Variants in DIRAS1 observed in about 807,000 individuals in gnomAD.
DIRAS1 encodes the protein GTP-binding protein Di-Ras1.
Under a neutral mutation model 11.5 loss-of-function variants are expected in DIRAS1, and 3 were observed. The ratio of observed to expected loss-of-function variants is 0.26; its 90% CI spans 0.12 to 0.67. DIRAS1 has a LOEUF of 0.67. DIRAS1 is among the 30% of genes least tolerant of loss of function. The probability of loss-of-function intolerance (pLI) is 0.80; values close to 1 mark genes in which losing one functional copy is unlikely to be tolerated. For missense variants in DIRAS1, 212 were observed against 285.3 expected (o/e 0.74, Z 1.85); for synonymous variants, 128 against 125.8 (o/e 1.02, Z -0.12).
intron 1 of DIRAS1, among the ~76,000 whole-genome samples, chr19:2,719,398 G>C (rs1182362320): frequency 6.6e-6 from 1 of 151,954 alleles, no homozygotes; most frequent in Non-Finnish European, 1.5e-5. Flanking sequence ...TTCCTGGGAG[G>C]GGCACCTCTT....
rs756529032 is a variant in DIRAS1, at chr19:2,717,768, G to A, written c.39C>T (p.Phe13=). Residue 13 remains phenylalanine (F), a synonymous_variant, in exon 2 of 2, where the codon TTC becomes TTT. Coordinates refer to ENST00000323469, the MANE Select transcript of DIRAS1 (RefSeq NM_145173.4). ...AGCTCTTGCCCACGCCGCCCGCCCC[G>A]AACACCACCACGCGGTAATCGTTAC... is the stretch of plus-strand genomic sequence containing the variant. ...EQSNDYRVVV[F]GAGGVGKSSL... The A allele has an allele frequency of 6.2e-7, 1 of 1,602,336 alleles. No individual in the cohort carries two copies. The highest frequency in any genetic ancestry group is 8.5e-7 in the Non-Finnish European group (1 of 1,179,854).
At chr19:2,720,703 C>CAG (rs1206658085) in intron 1 of DIRAS1, among the ~76,000 whole-genome samples, 2 of 152,126 alleles carry the variant, frequency 1.3e-5, no homozygotes, top group African/African-American at 4.8e-5. Flanking sequence ...GTCAGGAAAG[C>CAG]AGAGAGAGCC....
Position 2,717,678 on chromosome 19 carries a change from G to A in DIRAS1, c.129C>T (p.Thr43=), listed in dbSNP as rs756913157. The part of the protein sequence containing the change: ...RDTYIPTIED[T]YRQVISCDKS... Reference sequence around the variant, plus strand: ...TGTCGCAGCTGATCACCTGCCGGTAGGTGTCCTCGATGGTGGGGATGTAGG... The same window carrying A: ...TGTCGCAGCTGATCACCTGCCGGTAAGTGTCCTCGATGGTGGGGATGTAGG... The change falls in exon 2 of 2, where the codon ACC becomes ACT. Residue 43 remains threonine, a synonymous_variant. Coordinates refer to ENST00000323469, the MANE Select transcript of DIRAS1 (RefSeq NM_145173.4). The A allele has an allele frequency of 1.3e-5, 21 of 1,612,494 alleles. No individual in the cohort carries two copies. Among genetic ancestry groups the A allele is most frequent in the Non-Finnish European group, 9.3e-6 (11 of 1,180,022 alleles).
rs1913822319 is a variant in DIRAS1 at position 2,717,032 on chromosome 19, C to A, written c.*178G>T. The A allele has an allele frequency of 3.1e-6, 2 of 646,512 alleles. No homozygotes were observed. The highest frequency in any genetic ancestry group is 5.2e-6 in the Non-Finnish European group (2 of 382,134). 40.0% of individuals were successfully genotyped at this position (646,512 alleles called of 1,614,324 possible). On this transcript the variant is annotated 3_prime_UTR_variant, in exon 2 of 2. Transcript: ENST00000323469. The stretch of plus-strand genomic sequence containing the variant: ...GAGAGAGCAGGGGAGGAAGAAAAGC[C>A]CCAGCCCTGCCTCGGGGTGGGCAGG...
In DIRAS1 at chr19:2,718,242, A is replaced by G. The variant is rs1372342421; in HGVS notation, c.-69-367T>C. Among the ~76,000 whole-genome samples, 19 of 152,056 alleles carry G rather than the reference A, an allele frequency of 1.2e-4. No individual in the cohort carries two copies. Among genetic ancestry groups the G allele is most frequent in the Admixed American group, 1.2e-3 (19 of 15,266 alleles). Reference sequence around the variant, plus strand: ...TTCCCAGTGTGGCAGGGGCCCCTGGAAGCTAGCAGGCCTGGCTTCCACCTC... The same window carrying G: ...TTCCCAGTGTGGCAGGGGCCCCTGGGAGCTAGCAGGCCTGGCTTCCACCTC... On this transcript the variant is annotated intron_variant, in intron 1 of 1. Transcript: ENST00000323469. The surrounding 1 kb of genome is among the most constrained non-coding windows in gnomAD (Gnocchi z 4.2).
intron 1 of DIRAS1, among the ~76,000 whole-genome samples, chr19:2,720,171 C>A (rs943866316): frequency 1.3e-5 from 2 of 152,150 alleles, no homozygotes; most frequent in African/African-American, 4.8e-5. Flanking sequence ...GCAGACCCTG[C>A]CCTTTCCTGG....
chr19:2,717,354 G>A lies in DIRAS1; in HGVS notation c.453C>T (p.Ala151=), dbSNP rs1197676966. Residue 151 remains alanine (A), a synonymous_variant, in exon 2 of 2, where the codon GCC becomes GCT. Coordinates refer to ENST00000323469, the MANE Select transcript of DIRAS1 (RefSeq NM_145173.4). ...EWKCAFMETS[A]KMNYNVKELF... is the part of the protein sequence containing the mutation. ...GCTCCTTGACGTTGTAGTTCATCTT[G>A]GCCGAGGTCTCCATGAAAGCGCACT... The A allele has an allele frequency of 3.1e-6, 5 of 1,610,388 alleles. No homozygotes were observed. Among genetic ancestry groups the A allele is most frequent in the Non-Finnish European group, 4.2e-6 (5 of 1,179,992 alleles).
Position 2,717,869 on chromosome 19 carries a change from A to G in DIRAS1, c.-63T>C, listed in dbSNP as rs1333171880. 3 of 1,494,748 alleles carry G rather than the reference A, an allele frequency of 2.0e-6. No homozygotes were observed. Among genetic ancestry groups the G allele is most frequent in the South Asian group, 1.3e-5 (1 of 78,556 alleles). 92.6% of individuals were successfully genotyped at this position (1,494,748 alleles called of 1,614,324 possible). A position where few individuals can be genotyped will look rare whatever the true frequency, so the allele number is the denominator to read the frequency against. ...CTGGTGCCAGCTGCAAGAACCCCAG[A>G]CCGAGCCTGTGCAGAGAGGAGGGTC... On this transcript the variant is annotated 5_prime_UTR_variant, in exon 2 of 2. Transcript: ENST00000323469.
rs902379107 is a variant in DIRAS1, at chr19:2,714,720, C to T, written c.*2490G>A. On this transcript the variant is annotated 3_prime_UTR_variant, in exon 2 of 2. Coordinates refer to ENST00000323469, the MANE Select transcript of DIRAS1 (RefSeq NM_145173.4). ...CAGCAAGCATGGCCTGGCACAGTCCCCAGCACCAGGGATGCCCAGGCAGGA... is the reference window on the plus strand; with the variant it reads ...CAGCAAGCATGGCCTGGCACAGTCCTCAGCACCAGGGATGCCCAGGCAGGA... 1.2e-4 allele frequency: 18 copies of T among 153,136 alleles called. No homozygotes were observed. Among genetic ancestry groups the T allele is most frequent in the African/African-American group, 4.1e-4 (17 of 41,584 alleles). The allele number at this position is 153,136 out of a possible 1,614,324, so 9.5% of individuals were successfully genotyped here.
intron 1 of DIRAS1, among the ~76,000 whole-genome samples, chr19:2,720,143 G>A (rs531406720): frequency 5.1e-4 from 77 of 152,300 alleles, no homozygotes; most frequent in African/African-American, 1.7e-3. Flanking sequence ...TGGTGGTGGG[G>A]GGGAGGCGGC....
rs1410258162 is a variant in DIRAS1 at position 2,717,589 on chromosome 19, C to T, written c.218G>A (p.Arg73His). 2 of 1,613,154 alleles carry T rather than the reference C, an allele frequency of 1.2e-6. No homozygotes were observed. Among genetic ancestry groups the T allele is most frequent in the Non-Finnish European group, 1.7e-6 (2 of 1,179,744 alleles). ...GGCGTGGCCCTTGGAGATGGACAGG[C>T]GCTGCATGGCCGGGAACTGGTGGCT... ...TGSHQFPAMQRLSISKGHAFI... is the reference protein window; with the variant it reads ...TGSHQFPAMQHLSISKGHAFI... The change falls in exon 2 of 2, where the codon CGC becomes CAC. Residue 73 changes from arginine (R) to histidine (H), a missense_variant. Arg to His is a conservative substitution (Grantham distance 29, BLOSUM62 0). Transcript: ENST00000323469.
rs566550990 is a variant in DIRAS1, at chr19:2,717,077, G to T, written c.*133C>A. 1.5e-3 allele frequency: 1,440 copies of T among 971,390 alleles called. 23 individuals are homozygous for T. In the African/African-American group the frequency reaches 0.018, roughly 12 times the overall value. The allele number at this position is 971,390 out of a possible 1,614,324, so 60.2% of individuals were successfully genotyped here. ...GGCAGGGGCAGCGGAGGGGGGGGCGGTGGCCTCGGTTTCCCCAGCCGAGGT... is the reference window on the plus strand; with the variant it reads ...GGCAGGGGCAGCGGAGGGGGGGGCGTTGGCCTCGGTTTCCCCAGCCGAGGT... On this transcript the variant is annotated 3_prime_UTR_variant, in exon 2 of 2. Coordinates refer to ENST00000323469, the MANE Select transcript of DIRAS1 (RefSeq NM_145173.4).
Position 2,718,843 on chromosome 19 carries a change from C to T in DIRAS1, c.-69-968G>A, listed in dbSNP as rs1318862806. 6.6e-6 allele frequency among the ~76,000 whole-genome samples: 1 copy of T among 151,052 alleles called. No individual in the cohort carries two copies. Among genetic ancestry groups the T allele is most frequent in the African/African-American group, 2.4e-5 (1 of 41,024 alleles). ...CCTGGCCTTCTTATTTTTTTTAAAACCAAGTCTTGCTCTGTTGCCCAGGTT... is the reference window on the plus strand; with the variant it reads ...CCTGGCCTTCTTATTTTTTTTAAAATCAAGTCTTGCTCTGTTGCCCAGGTT... On this transcript the variant is annotated intron_variant, in intron 1 of 1. Coordinates refer to ENST00000323469, the MANE Select transcript of DIRAS1 (RefSeq NM_145173.4). The surrounding 1 kb of genome is among the most constrained non-coding windows in gnomAD (Gnocchi z 4.2).
At position 2,717,645 on chromosome 19, in the gene DIRAS1, C is replaced by T; in HGVS notation, c.162G>A (p.Val54=). Residue 54 remains valine (V), a synonymous_variant, in exon 2 of 2, where the codon GTG becomes GTA. Transcript: ENST00000323469. ...TGGTGTCTGTGATCTGCAGCGTGCACACGCTCTTGTCGCAGCTGATCACCT... is the reference window on the plus strand; with the variant it reads ...TGGTGTCTGTGATCTGCAGCGTGCATACGCTCTTGTCGCAGCTGATCACCT... ...YRQVISCDKS[V]CTLQITDTTG... The T allele has an allele frequency of 1.2e-6, 2 of 1,613,176 alleles. No individual in the cohort carries two copies. Among genetic ancestry groups the T allele is most frequent in the South Asian group, 2.2e-5 (2 of 91,086 alleles).
At position 2,717,407 on chromosome 19, in the gene DIRAS1, C is replaced by T; in HGVS notation, c.400G>A (p.Glu134Lys). 2 of 1,607,672 alleles carry T rather than the reference C, an allele frequency of 1.2e-6. No homozygotes were observed. Among genetic ancestry groups the T allele is most frequent in the Non-Finnish European group, 1.7e-6 (2 of 1,179,998 alleles). ...CACTCCTGGGCCACCGCCTGCGCCT[C>T]GCGCGTGTCCACCTCCCGCTGCGTC... ...DETQREVDTR[E>K]AQAVAQEWKC... Residue 134 changes from glutamate (E) to lysine (K), a missense_variant, in exon 2 of 2, where the codon GAG becomes AAG. Around this residue, in one of 2 missense-constraint regions of DIRAS1, gnomAD observed 128 missense variants for 205.3 expected, o/e 0.62. Coordinates refer to ENST00000323469, the MANE Select transcript of DIRAS1 (RefSeq NM_145173.4).
chr19:2,717,408 G>A lies in DIRAS1; in HGVS notation c.399C>T (p.Arg133=), dbSNP rs1210556955. ...CDETQREVDT[R]EAQAVAQEWK... is the part of the protein sequence containing the mutation. ...ACTCCTGGGCCACCGCCTGCGCCTC[G>A]CGCGTGTCCACCTCCCGCTGCGTCT... is the stretch of plus-strand genomic sequence containing the variant. Residue 133 remains arginine, a synonymous_variant, in exon 2 of 2, where the codon CGC becomes CGT. Transcript: ENST00000323469. 2 of 1,607,674 alleles carry A rather than the reference G, an allele frequency of 1.2e-6. No individual in the cohort carries two copies. Among genetic ancestry groups the A allele is most frequent in the African/African-American group, 1.3e-5 (1 of 75,062 alleles).
chr19:2,719,723 G>A (rs1913911114), intron 1 of DIRAS1, among the ~76,000 whole-genome samples: 1 of 152,096 alleles, frequency 6.6e-6, no homozygotes, highest in South Asian at 2.1e-4. Flanking sequence ...TCAGTGGTTT[G>A]AACCTAAACA....
At chr19:2,720,911 A>C (rs1266013287) in intron 1 of DIRAS1, among the ~76,000 whole-genome samples, 2 of 149,118 alleles carry the variant, frequency 1.3e-5, no homozygotes, top group African/African-American at 5.0e-5. Flanking sequence ...GGAGGAGCCC[A>C]CCCCGGGGAG....
rs1913890006 is a variant in DIRAS1, at chr19:2,718,859, T to TAACA, written c.-69-985_-69-984insTGTT. 6.6e-6 allele frequency among the ~76,000 whole-genome samples: 1 copy of TAACA among 151,624 alleles called. No individual in the cohort carries two copies. Among genetic ancestry groups the TAACA allele is most frequent in the Admixed American group, 6.6e-5 (1 of 15,178 alleles). On this transcript the variant is annotated intron_variant, in intron 1 of 1. Coordinates refer to ENST00000323469, the MANE Select transcript of DIRAS1 (RefSeq NM_145173.4). This position sits in a 1 kb window ranked among gnomAD's most constrained non-coding sequence, Gnocchi z 4.2. ...TTTTTAAAACCAAGTCTTGCTCTGT[T>TAACA]GCCCAGGTTGGAGTTCAGTGGTGCA...
Sources: allele counts gnomAD v4.1 joint callset (sites outside exome capture counted in the v4.1 genomes callset), GRCh38; gene constraint gnomAD v4.1.1; regional missense constraint gnomAD v4.1.1; non-coding constraint Gnocchi (gnomAD v3.1); transcripts MANE v1.5; gene names NCBI Gene and HGNC (gene_info 2026-07-23, HGNC 2026-07-21).